Variants in BANK1 observed in about 807,000 individuals in gnomAD.
The protein encoded by BANK1 is B-cell scaffold protein with ankyrin repeats.
A neutral mutation model predicts 94.5 loss-of-function variants in BANK1; 95 were observed. That is an observed-to-expected ratio of 1.00 (90% CI 0.85 to 1.19). BANK1 has a LOEUF of 1.19. Among genes scored for constraint, BANK1 ranks in the 50% most tolerant of loss-of-function variants. The pLI, the probability that BANK1 is intolerant of heterozygous loss-of-function variation, is 0.00. For synonymous variants in BANK1, 334 were observed against 308.4 expected, an observed-to-expected ratio of 1.08 and a Z score of -0.87; for missense variants, 987 against 932.2, an observed-to-expected ratio of 1.06 and a Z score of -0.77.
intron 7 of BANK1, among the ~76,000 whole-genome samples, chr4:101,926,594 G>A (rs937443540): frequency 1.3e-5 from 2 of 151,586 alleles, no homozygotes; most frequent in African/African-American, 2.4e-5. Flanking sequence ...TACCCTAATG[G>A]GAAATAAGAC....
intron 10 of BANK1, among the ~76,000 whole-genome samples, chr4:102,036,048 A>T (rs1727503900): frequency 2.0e-5 from 3 of 152,234 alleles, no homozygotes; most frequent in Admixed American, 2.0e-4. Context: ...AAAATTTTTC[A>T]GCATCAATGG....
At chr4:101,916,875 A>G (rs1560631745) in intron 6 of BANK1, among the ~76,000 whole-genome samples, 1 of 152,030 alleles carries the variant, frequency 6.6e-6, no homozygotes, top group Non-Finnish European at 1.5e-5. Flanking sequence ...AAACAGATGC[A>G]GTTAATCTAG....
chr4:101,921,918 C>CA (rs1213097121), intron 7 of BANK1, among the ~76,000 whole-genome samples: 4 of 151,744 alleles, frequency 2.6e-5, no homozygotes, highest in Admixed American at 2.6e-4. Flanking sequence ...GGGAATCTTT[C>CA]TATTGCTCAT....
chr4:101,918,013 C>A lies in BANK1; in HGVS notation c.1030C>A (p.Pro344Thr), dbSNP rs747333930. 9.3e-6 allele frequency: 15 copies of A among 1,607,178 alleles called. No homozygotes were observed. Among genetic ancestry groups the A allele is most frequent in the Non-Finnish European group, 1.2e-5 (14 of 1,175,410 alleles). ...QNKYTHFKELPTLLHCAAKFG... is the reference protein window; with the variant it reads ...QNKYTHFKELTTLLHCAAKFG... ...TACAGATACTCATTTCAAAGAACTT[C>A]CAACTCTTCTCCACTGTGCAGCAAA... The change falls in exon 7 of 17, where the codon CCA becomes ACA. Residue 344 changes from proline (P) to threonine (T), a missense_variant. Transcript: ENST00000322953.
At chr4:101,956,315 C>T (rs750922641) in intron 7 of BANK1, among the ~76,000 whole-genome samples, 13 of 152,108 alleles carry the variant, frequency 8.5e-5, no homozygotes, top group East Asian at 3.9e-4. Flanking sequence ...CCATGGAAAC[C>T]GGGCATATCA....
At chr4:101,935,120 C>G (rs1723485001) in intron 7 of BANK1, among the ~76,000 whole-genome samples, 1 of 151,498 alleles carries the variant, frequency 6.6e-6, no homozygotes, top group South Asian at 2.1e-4. Flanking sequence ...AACCCATCCC[C>G]AGAATATAAG....
intron 1 of BANK1, among the ~76,000 whole-genome samples, chr4:101,825,206 T>C (rs918569192): frequency 6.6e-6 from 1 of 152,136 alleles, no homozygotes; most frequent in Non-Finnish European, 1.5e-5. Flanking sequence ...ATGGAAATTT[T>C]ATATTTCTGT....
intron 2 of BANK1, among the ~76,000 whole-genome samples, chr4:101,844,833 C>T (rs1727185944): frequency 6.6e-6 from 1 of 152,104 alleles, no homozygotes. Context: ...CCCAAACAAG[C>T]TTCTTTTAGG....
intron 2 of BANK1, among the ~76,000 whole-genome samples, chr4:101,853,049 G>A (rs78316502): frequency 6.6e-6 from 1 of 152,110 alleles, no homozygotes; most frequent in Admixed American, 6.6e-5. Flanking sequence ...CTATGTGTGT[G>A]TGTATAAGCC....
At chr4:101,913,989 C>T (rs545152113) in intron 6 of BANK1, among the ~76,000 whole-genome samples, 41 of 152,104 alleles carry the variant, frequency 2.7e-4, no homozygotes, top group Non-Finnish European at 5.0e-4. Context: ...AAATCTTAAG[C>T]GTACAATTCA....
chr4:101,855,671 T>C (rs913754561), intron 3 of BANK1, among the ~76,000 whole-genome samples: 5 of 152,206 alleles, frequency 3.3e-5, no homozygotes. Context: ...AGATTCACAG[T>C]AAATAGGTTA....
intron 7 of BANK1, among the ~76,000 whole-genome samples, chr4:102,006,210 C>A (rs1301584721): frequency 1.3e-5 from 2 of 152,028 alleles, no homozygotes; most frequent in African/African-American, 4.8e-5. Flanking sequence ...ACTTGTTCAT[C>A]ATCAGTCATC....
intron 7 of BANK1, among the ~76,000 whole-genome samples, chr4:102,000,100 G>A (rs988117851): frequency 4.6e-5 from 7 of 152,134 alleles, no homozygotes; most frequent in South Asian, 2.1e-4. Context: ...AAGACAGGCC[G>A]ATCATCTGAG....
rs534795271 is a variant in BANK1, at chr4:102,022,185, G to T, written c.1285+593G>T. 2.0e-5 allele frequency among the ~76,000 whole-genome samples: 3 copies of T among 152,076 alleles called. No individual in the cohort carries two copies. In the South Asian group the frequency reaches 6.2e-4, roughly 32 times the overall value. On this transcript the variant is annotated intron_variant, in intron 8 of 16. Transcript: ENST00000322953. Reference sequence around the variant, plus strand: ...GGCTTTATTGGCATACAGCTCAACAGCTTCACCAGCATGTTTGGTAGGAAT... The same window carrying T: ...GGCTTTATTGGCATACAGCTCAACATCTTCACCAGCATGTTTGGTAGGAAT...
At chr4:102,015,416 C>A (rs1726660216) in intron 7 of BANK1, among the ~76,000 whole-genome samples, 1 of 152,090 alleles carries the variant, frequency 6.6e-6, no homozygotes, top group African/African-American at 2.4e-5. Context: ...ACCATGACTT[C>A]ATAAAGAAAT....
intron 7 of BANK1, among the ~76,000 whole-genome samples, chr4:101,991,558 C>T (rs771508890): frequency 3.3e-5 from 5 of 152,114 alleles, no homozygotes; most frequent in African/African-American, 7.2e-5. Flanking sequence ...TTTTTTGACA[C>T]TCTGACTTTA....
chr4:101,877,991 A>T (rs1397402737), intron 5 of BANK1, among the ~76,000 whole-genome samples: 1 of 152,184 alleles, frequency 6.6e-6, no homozygotes, highest in Admixed American at 6.6e-5. Flanking sequence ...AAATTATATC[A>T]CAGAGGAAAT....
At chr4:102,064,689 T>G (rs1202493165) in intron 13 of BANK1, among the ~76,000 whole-genome samples, 2 of 152,212 alleles carry the variant, frequency 1.3e-5, no homozygotes, top group Non-Finnish European at 2.9e-5. Context: ...CAGGACACTA[T>G]TACCAGGCAA....
At chr4:102,052,118 T>C (rs1414959266) in intron 11 of BANK1, among the ~76,000 whole-genome samples, 20 of 84,192 alleles carry the variant, frequency 2.4e-4, no homozygotes, top group African/African-American at 5.4e-4. Flanking sequence ...TTTTTCTTTT[T>C]TTTTTTTTTT....
Sources: gnomAD v4.1 joint callset for allele counts (sites outside exome capture counted in the v4.1 genomes callset) on GRCh38, gnomAD v4.1.1 for gene constraint, MANE v1.5 for transcripts, NCBI Gene and HGNC (gene_info 2026-07-23, HGNC 2026-07-21) for gene names.